The following GIPC2 variants were observed in gnomAD, a reference collection of about 807,000 sequenced individuals.
GIPC2 encodes the protein PDZ domain-containing protein GIPC2.
Under a neutral mutation model 30.6 loss-of-function variants are expected in GIPC2, and 30 were observed. That is an observed-to-expected ratio of 0.98 (90% confidence interval 0.73 to 1.33). The LOEUF is 1.33. Ranked by LOEUF, GIPC2 falls within the 40% of genes most tolerant of loss-of-function variation. GIPC2 has a pLI of 0.00. For synonymous variants in GIPC2, 167 were observed against 150.0 expected (o/e 1.11, Z -0.83); for missense variants, 414 against 390.3 (o/e 1.06, Z -0.51).
At chr1:78,127,557 A>G (rs1662804736) in intron 5 of GIPC2, among the ~76,000 whole-genome samples, 2 of 152,204 alleles carry the variant, frequency 1.3e-5, no homozygotes, top group Non-Finnish European at 2.9e-5. Flanking sequence ...AGTGAGTGGA[A>G]CTTCAGCATG....
intron 1 of GIPC2, among the ~76,000 whole-genome samples, chr1:78,075,763 C>T (rs938548531): frequency 1.3e-5 from 2 of 152,208 alleles, no homozygotes; most frequent in Non-Finnish European, 2.9e-5. Context: ...TACACCTAAA[C>T]CATCACTTAG....
chr1:78,126,160 A>C (rs143794484), intron 5 of GIPC2, among the ~76,000 whole-genome samples, 198 bp downstream of exon 5: 234 of 152,346 alleles, frequency 1.5e-3, no homozygotes, highest in African/African-American at 5.4e-3. Context: ...GTGCCAAGTA[A>C]ACTTTAAAAC....
intron 1 of GIPC2, among the ~76,000 whole-genome samples, chr1:78,073,248 TG>T (rs1261194096): frequency 6.6e-6 from 1 of 151,324 alleles, no homozygotes; most frequent in Non-Finnish European, 1.5e-5. Flanking sequence ...GGACTACAGG[TG>T]CACGCCACCA....
intron 2 of GIPC2, among the ~76,000 whole-genome samples, chr1:78,081,211 G>C (rs1054329427): frequency 1.3e-4 from 20 of 151,866 alleles, no homozygotes; most frequent in Non-Finnish European, 2.4e-4. Flanking sequence ...TTTTCCAACT[G>C]TTCCTAGTTT....
intron 2 of GIPC2, among the ~76,000 whole-genome samples, chr1:78,087,450 A>G (rs1027479344): frequency 4.6e-5 from 7 of 152,178 alleles, no homozygotes; most frequent in Non-Finnish European, 8.8e-5. Context: ...CTGCACAGCT[A>G]CAACCACCTG....
chr1:78,046,131 T>G lies in GIPC2; in HGVS notation c.37T>G (p.Ser13Ala). Residue 13 changes from serine to alanine, a missense_variant, in exon 1 of 6, where the codon TCC (serine) becomes GCC (alanine). Physicochemically the swap from Ser to Ala is moderately conservative, Grantham distance 99 (BLOSUM62 1). Coordinates refer to ENST00000370759, the MANE Select transcript of GIPC2 (RefSeq NM_017655.6). ...GCTGCGGGGGAAGAAGAAGGCCAAG[T>G]CCAAGGAGACCGCCGGGCTGGTGGA... Reference protein sequence around the residue: ...LKLRGKKKAKSKETAGLVEGE... With the variant: ...LKLRGKKKAKAKETAGLVEGE... 1 of 1,525,250 alleles carries G rather than the reference T, an allele frequency of 6.6e-7. No homozygotes were observed. Among genetic ancestry groups the G allele is most frequent in the African/African-American group, 1.4e-5 (1 of 70,276 alleles). The allele number at this position is 1,525,250 out of a possible 1,614,324, so 94.5% of individuals were successfully genotyped here.
chr1:78,049,657 C>T (rs368245645), intron 1 of GIPC2, among the ~76,000 whole-genome samples: 45 of 152,058 alleles, frequency 3.0e-4, no homozygotes, highest in African/African-American at 8.5e-4. Flanking sequence ...TAATCAGGGC[C>T]CATAATGTGC....
chr1:78,076,934 ATT>A (rs552494311), intron 1 of GIPC2, among the ~76,000 whole-genome samples: 1 of 144,304 alleles, frequency 6.9e-6, no homozygotes. Context: ...ATGCCTGGCT[ATT>A]TTTTTTTTTT....
chr1:78,082,056 ATATAT>A lies in GIPC2; in HGVS notation c.426+1202_426+1206del, dbSNP rs902409838. The stretch of plus-strand genomic sequence containing the variant: ...CTATTGCCATGAACTTCATATAATC[ATATAT>A]TATATACTCCACTATTTTCGGCTTC... On this transcript the variant is annotated intron_variant, in intron 2 of 5. Transcript: ENST00000370759. Among the ~76,000 whole-genome samples the A allele has an allele frequency of 7.2e-5, 11 of 152,190 alleles. No homozygotes were observed. In the East Asian group the frequency reaches 1.2e-3, roughly 16 times the overall value.
At chr1:78,062,009 A>C (rs897522452) in intron 1 of GIPC2, among the ~76,000 whole-genome samples, 5 of 152,218 alleles carry the variant, frequency 3.3e-5, no homozygotes, top group African/African-American at 1.2e-4. Context: ...TGTATTTGCT[A>C]TGTGTATAAA....
At chr1:78,132,705 A>G (rs1247656497) in intron 5 of GIPC2, among the ~76,000 whole-genome samples, 1 of 83,300 alleles carries the variant, frequency 1.2e-5, no homozygotes, top group African/African-American at 3.4e-5. Context: ...GTGTAGAGAG[A>G]GAAATTGATT....
At position 78,049,992 on chromosome 1, in the gene GIPC2, G is replaced by A. The variant is rs1661166794; in HGVS notation, c.240+3658G>A. On this transcript the variant is annotated intron_variant, in intron 1 of 5. Coordinates refer to ENST00000370759, the MANE Select transcript of GIPC2 (RefSeq NM_017655.6). Reference sequence around the variant, plus strand: ...GCTCACTGCAACCTCCGCCTTCTGTGTTCAAGTGATCCTCCTGCCTCAGCC... The same window carrying A: ...GCTCACTGCAACCTCCGCCTTCTGTATTCAAGTGATCCTCCTGCCTCAGCC... Among the ~76,000 whole-genome samples, 3 of 148,564 alleles carry A rather than the reference G, an allele frequency of 2.0e-5. No homozygotes were observed. In the Admixed American group the frequency reaches 2.1e-4, roughly 10 times the overall value.
At chr1:78,056,774 C>A (rs1661305645) in intron 1 of GIPC2, among the ~76,000 whole-genome samples, 1 of 152,232 alleles carries the variant, frequency 6.6e-6, no homozygotes, top group Admixed American at 6.5e-5. Context: ...CCAAGAGTAA[C>A]AACCATCCTG....
chr1:78,118,513 T>G (rs1662614589), intron 3 of GIPC2, among the ~76,000 whole-genome samples: 1 of 152,124 alleles, frequency 6.6e-6, no homozygotes, highest in South Asian at 2.1e-4. Context: ...TATTTGGTGG[T>G]GACGCTTAGT....
At position 78,050,678 on chromosome 1, in the gene GIPC2, A is replaced by G. The variant is rs542870573; in HGVS notation, c.240+4344A>G. ...TGACGGGAGTCTCGCTCTGTCGCCC[A>G]GGCTGGAGTGCAGTGGTGCTATCTC... On this transcript the variant is annotated intron_variant, in intron 1 of 5. Coordinates refer to ENST00000370759, the MANE Select transcript of GIPC2 (RefSeq NM_017655.6). Among the ~76,000 whole-genome samples the G allele has an allele frequency of 3.3e-5, 5 of 149,726 alleles. No individual in the cohort carries two copies. In the East Asian group the frequency reaches 9.8e-4, roughly 29 times the overall value.
At chr1:78,073,082 C>T (rs1661653334) in intron 1 of GIPC2, among the ~76,000 whole-genome samples, 1 of 150,150 alleles carries the variant, frequency 6.7e-6, no homozygotes, top group Admixed American at 6.7e-5. Context: ...GTGTTAGGAT[C>T]ACAGGCATGA....
intron 4 of GIPC2, among the ~76,000 whole-genome samples, chr1:78,121,189 A>G (rs560749581): frequency 2.6e-5 from 4 of 152,252 alleles, no homozygotes; most frequent in Non-Finnish European, 4.4e-5. Flanking sequence ...GAAAACTGCA[A>G]GTTTGGGGTG....
intron 1 of GIPC2, among the ~76,000 whole-genome samples, chr1:78,048,466 G>A (rs1661137512): frequency 6.7e-6 from 1 of 150,198 alleles, no homozygotes; most frequent in Non-Finnish European, 1.5e-5. Flanking sequence ...TCACTCTGTT[G>A]CCCAGGCTGG....
intron 2 of GIPC2, 96 bp from the exon 3 acceptor site, chr1:78,094,856 C>G (rs1297214547): frequency 1.2e-6 from 1 of 802,568 alleles, no homozygotes; most frequent in Admixed American, 2.3e-5. Context: ...AAGTACTAAC[C>G]AGGCCCAAAC....
Sources: allele counts gnomAD v4.1 joint callset (sites outside exome capture counted in the v4.1 genomes callset), GRCh38; gene constraint gnomAD v4.1.1; transcripts MANE v1.5; gene names NCBI Gene and HGNC (gene_info 2026-07-23, HGNC 2026-07-21).